Variants in GLIS3 observed in about 807,000 individuals in gnomAD.
GLIS3 encodes the protein zinc finger protein GLIS3.
In GLIS3, 53 loss-of-function variants were observed where a neutral mutation model predicts 78.6. The observed-to-expected ratio is 0.67, with a 90% CI of 0.54 to 0.85. The LOEUF (loss-of-function observed/expected upper bound fraction) is 0.85. Ranked by LOEUF, GLIS3 falls within the 40% of genes least tolerant of loss-of-function variation. GLIS3 has a pLI of 0.00. For synonymous variants in GLIS3, 684 were observed against 509.9 expected (o/e 1.34, Z -4.60); for missense variants, 1,703 against 1,231.1 (o/e 1.38, Z -5.74).
intron 6 of GLIS3, among the ~76,000 whole-genome samples, chr9:3,930,974 T>A (rs916910483): frequency 6.6e-6 from 1 of 152,232 alleles, no homozygotes; most frequent in Admixed American, 6.5e-5. Context: ...GACTAAGCAC[T>A]TGCTTTCTAA....
the GLIS3 span, among the ~76,000 whole-genome samples, chr9:4,472,906 G>C: frequency 1.3e-5 from 2 of 152,052 alleles, no homozygotes; most frequent in Non-Finnish European, 2.9e-5. Flanking sequence ...TATATTTCTA[G>C]ATATCATTAA....
chr9:3,863,070 T>G (rs1390149857), intron 8 of GLIS3, among the ~76,000 whole-genome samples: 1 of 152,066 alleles, frequency 6.6e-6, no homozygotes, highest in Non-Finnish European at 1.5e-5. Context: ...AAAAGCCCAG[T>G]TTTAAGGATT....
intron 8 of GLIS3, among the ~76,000 whole-genome samples, chr9:3,866,664 G>A (rs1436757457): frequency 6.6e-6 from 1 of 152,204 alleles, no homozygotes; most frequent in Admixed American, 6.5e-5. Flanking sequence ...ACTCCAACAG[G>A]CCAGTGTGGC....
At chr9:4,242,678 T>A (rs563477947) in intron 2 of GLIS3, among the ~76,000 whole-genome samples, 24 of 152,326 alleles carry the variant, frequency 1.6e-4, no homozygotes, top group Non-Finnish European at 1.5e-4. Context: ...ACTAACTGCA[T>A]GTGGCCACTG....
chr9:4,042,909 C>G (rs925617165), intron 4 of GLIS3, among the ~76,000 whole-genome samples: 29 of 148,500 alleles, frequency 2.0e-4, no homozygotes, highest in African/African-American at 6.8e-4. Flanking sequence ...CAGAATGCAG[C>G]TATGTGCCAG....
the GLIS3 span, among the ~76,000 whole-genome samples, chr9:4,410,939 A>C: frequency 6.6e-6 from 1 of 152,092 alleles, no homozygotes; most frequent in Admixed American, 6.5e-5. Flanking sequence ...ATTCTCACAA[A>C]CTCTTGGGTT....
chr9:4,432,198 C>G, the GLIS3 span, among the ~76,000 whole-genome samples: 1 of 151,440 alleles, frequency 6.6e-6, no homozygotes, highest in Non-Finnish European at 1.5e-5. Context: ...TAAAGTGCCT[C>G]GTACAAAGGT....
At chr9:4,476,065 T>C in the GLIS3 span, among the ~76,000 whole-genome samples, 2 of 152,138 alleles carry the variant, frequency 1.3e-5, no homozygotes, top group Non-Finnish European at 2.9e-5. Flanking sequence ...TATTGTTTTA[T>C]AGTTTTGAGT....
intron 2 of GLIS3, among the ~76,000 whole-genome samples, chr9:4,150,263 C>T (rs1443161624): frequency 6.6e-6 from 1 of 152,188 alleles, no homozygotes; most frequent in Non-Finnish European, 1.5e-5. Context: ...AAACTTTGAT[C>T]TTACACAACT....
intron 9 of GLIS3, among the ~76,000 whole-genome samples, chr9:3,840,032 A>G (rs989442804): frequency 2.0e-5 from 3 of 152,162 alleles, no homozygotes; most frequent in African/African-American, 7.2e-5. Flanking sequence ...TGACCCATTA[A>G]CGAATTGTGT....
chr9:4,117,051 G>C (rs1831705692), intron 4 of GLIS3, among the ~76,000 whole-genome samples: 1 of 152,188 alleles, frequency 6.6e-6, no homozygotes, highest in African/African-American at 2.4e-5. Context: ...TGGATGCTGT[G>C]AAAGGCAGAG....
chr9:4,322,052 T>G (rs528782227), intron 2 of GLIS3, among the ~76,000 whole-genome samples: 117 of 152,062 alleles, frequency 7.7e-4, no homozygotes, highest in African/African-American at 2.7e-3. Flanking sequence ...CGACAGGCCC[T>G]GGTGTGTGAT....
At chr9:3,863,100 T>G (rs1196050078) in intron 8 of GLIS3, among the ~76,000 whole-genome samples, 1 of 152,130 alleles carries the variant, frequency 6.6e-6, no homozygotes, top group Non-Finnish European at 1.5e-5. Flanking sequence ...ATTTAACATC[T>G]AAAAAAACCC....
intron 6 of GLIS3, among the ~76,000 whole-genome samples, chr9:3,910,925 CAGA>C (rs900735525): frequency 1.3e-5 from 2 of 152,200 alleles, no homozygotes; most frequent in African/African-American, 4.8e-5. Flanking sequence ...ACTCTCAATA[CAGA>C]AGCTCAATGG....
chr9:4,400,906 C>G, the GLIS3 span, among the ~76,000 whole-genome samples: 1 of 152,338 alleles, frequency 6.6e-6, no homozygotes, highest in South Asian at 2.1e-4. Flanking sequence ...CCTGAATAAC[C>G]AGCAGCAATA....
chr9:4,135,889 C>T (rs1418990451), intron 2 of GLIS3, among the ~76,000 whole-genome samples: 1 of 152,206 alleles, frequency 6.6e-6, no homozygotes, highest in Non-Finnish European at 1.5e-5. Context: ...GCATACCAAA[C>T]ACCCTAGGCT....
chr9:4,267,137 A>ACC (rs1160474707), intron 2 of GLIS3, among the ~76,000 whole-genome samples: 1 of 151,540 alleles, frequency 6.6e-6, no homozygotes, highest in African/African-American at 2.4e-5. Flanking sequence ...GCAGACACCC[A>ACC]CCCCCACACA....
the GLIS3 span, among the ~76,000 whole-genome samples, chr9:4,356,507 G>C: frequency 2.6e-5 from 4 of 152,194 alleles, no homozygotes; most frequent in Non-Finnish European, 5.9e-5. Flanking sequence ...GGGAATGACT[G>C]ACAGATATTA....
rs969810272 is a variant in GLIS3 at position 4,262,761 on chromosome 9, T to C, written c.388+23277A>G. On this transcript the variant is annotated intron_variant, in intron 2 of 10. Coordinates refer to ENST00000381971, the MANE Select transcript of GLIS3 (RefSeq NM_001042413.2). ...CTGCCACCCCATTTCCTGCTTCACA[T>C]TGATTTTTATACCACACTGGCTATT... 5.9e-5 allele frequency among the ~76,000 whole-genome samples: 9 copies of C among 152,216 alleles called. No individual in the cohort carries two copies. In the South Asian group the frequency reaches 8.3e-4, roughly 14 times the overall value.
Sources: allele counts gnomAD v4.1 joint callset (sites outside exome capture counted in the v4.1 genomes callset), GRCh38; gene constraint gnomAD v4.1.1; transcripts MANE v1.5; gene names NCBI Gene and HGNC (gene_info 2026-07-23, HGNC 2026-07-21).